The following ZEB1 variants were observed in gnomAD, a reference collection of about 807,000 sequenced individuals.
ZEB1 encodes zinc finger E-box binding homeobox 1.
Under a neutral mutation model 84.9 loss-of-function variants are expected in ZEB1, and 21 were observed. That is an observed-to-expected ratio of 0.25 (90% CI 0.18 to 0.36). The LOEUF is 0.36. Among genes scored for constraint, ZEB1 ranks in the 10% least tolerant of loss-of-function variants. The probability of loss-of-function intolerance (pLI) is 1.00; values close to 1 mark genes in which losing one functional copy is unlikely to be tolerated. For missense variants in ZEB1, 1,104 were observed against 1,330.2 expected (o/e 0.83, Z 2.65); for synonymous variants, 420 against 471.1 (o/e 0.89, Z 1.41).
chr10:31,488,195 G>T (rs545225350), intron 2 of ZEB1, among the ~76,000 whole-genome samples: 5 of 151,112 alleles, frequency 3.3e-5, no homozygotes, highest in South Asian at 2.1e-4. Context: ...GTGAAAGTTG[G>T]TCCTGGAGTT....
chr10:31,327,779 AAAG>A (rs2035904355), intron 1 of ZEB1, among the ~76,000 whole-genome samples: 1 of 152,224 alleles, frequency 6.6e-6, no homozygotes, highest in Non-Finnish European at 1.5e-5. Context: ...CAACAATGTA[AAAG>A]AACTATTTTC....
chr10:31,446,432 A>ATTTCT lies in ZEB1; in HGVS notation c.59-14605_59-14604insTTTCT, dbSNP rs2136827738. Among the ~76,000 whole-genome samples, 14 of 150,692 alleles carry ATTTCT rather than the reference A, an allele frequency of 9.3e-5. No homozygotes were observed. The South Asian group carries it at 3.0e-3, about 32-fold the overall frequency. On this transcript the variant is annotated intron_variant, in intron 1 of 8. Coordinates refer to ENST00000424869, the MANE Select transcript of ZEB1 (RefSeq NM_001174096.2). ...TTTCCTTCAGTTCTGCTCTGATTTTAGTTATTTCTTGCCTTCTGCTAGCTT... is the reference window on the plus strand; with the variant it reads ...TTTCCTTCAGTTCTGCTCTGATTTTATTTCTGTTATTTCTTGCCTTCTGCTAGCTT...
At chr10:31,525,037 T>C (rs1292447496) in intron 8 of ZEB1, among the ~76,000 whole-genome samples, 1 of 152,200 alleles carries the variant, frequency 6.6e-6, no homozygotes, top group Non-Finnish European at 1.5e-5. Context: ...AATGGTAGTT[T>C]TTGATTTTGT....
At chr10:31,362,359 AGTG>A (rs2043370640) in intron 1 of ZEB1, among the ~76,000 whole-genome samples, 1 of 146,700 alleles carries the variant, frequency 6.8e-6, no homozygotes, top group African/African-American at 2.6e-5. Context: ...CACTTCCCAG[AGTG>A]TAGGGGGGCC....
intron 1 of ZEB1, among the ~76,000 whole-genome samples, chr10:31,380,212 A>G (rs898009957): frequency 6.6e-6 from 1 of 152,044 alleles, no homozygotes; most frequent in Non-Finnish European, 1.5e-5. Flanking sequence ...TAATGTGTTA[A>G]TGAAAAAACT....
At chr10:31,449,385 C>G (rs970065771) in intron 1 of ZEB1, among the ~76,000 whole-genome samples, 2 of 152,320 alleles carry the variant, frequency 1.3e-5, no homozygotes, top group East Asian at 1.9e-4. Flanking sequence ...GCGTCGCTCA[C>G]GCTGGGAGCT....
chr10:31,497,164 TAA>T (rs1320872397), intron 3 of ZEB1, among the ~76,000 whole-genome samples: 2 of 152,110 alleles, frequency 1.3e-5, no homozygotes, highest in African/African-American at 4.8e-5. Flanking sequence ...TTAATAAACA[TAA>T]GAGTACACTA....
intron 2 of ZEB1, among the ~76,000 whole-genome samples, chr10:31,494,707 ACTT>A: frequency 6.6e-6 from 1 of 152,128 alleles, no homozygotes; most frequent in East Asian, 1.9e-4. Flanking sequence ...ACAGTTTTTA[ACTT>A]CTTCATGCCT....
Position 31,520,301 on chromosome 10 carries a change from T to C in ZEB1, c.969T>C (p.Ser323=), listed in dbSNP as rs199664973. 2.5e-6 allele frequency: 4 copies of C among 1,613,906 alleles called. No homozygotes were observed. In the East Asian group the frequency reaches 8.9e-5, roughly 36 times the overall value. ...CGTCTCTTTCAGCATCACCAGGCAGTCCCACACGACCACAGATACGGCAAA... is the reference window on the plus strand; with the variant it reads ...CGTCTCTTTCAGCATCACCAGGCAGCCCCACACGACCACAGATACGGCAAA... ...SSPSLSASPG[S]PTRPQIRQKI... is the part of the protein sequence containing the mutation. Residue 323 remains serine (S), a synonymous_variant, in exon 7 of 9, where the codon AGT becomes AGC. Coordinates refer to ENST00000424869, the MANE Select transcript of ZEB1 (RefSeq NM_001174096.2). This position sits in a 1 kb window ranked among gnomAD's most constrained non-coding sequence, Gnocchi z 5.1.
intron 1 of ZEB1, among the ~76,000 whole-genome samples, chr10:31,349,213 C>G (rs2133817955): frequency 6.6e-6 from 1 of 152,260 alleles, no homozygotes; most frequent in South Asian, 2.1e-4. Flanking sequence ...ATTATAATGT[C>G]CTCCAGGTTC....
chr10:31,480,870 A>T (rs1369049977), intron 2 of ZEB1, among the ~76,000 whole-genome samples: 2 of 152,102 alleles, frequency 1.3e-5, no homozygotes, highest in Non-Finnish European at 2.9e-5. Flanking sequence ...CCTCATTCAT[A>T]ATAGTTTTAT....
At chr10:31,479,549 A>G (rs78770520) in intron 2 of ZEB1, among the ~76,000 whole-genome samples, 2,469 of 152,024 alleles carry the variant, frequency 0.016, 65 homozygotes, top group African/African-American at 0.057. Context: ...ATCATACACC[A>G]TGATCAACTG....
At chr10:31,325,800 A>G (rs1216552630) in intron 1 of ZEB1, among the ~76,000 whole-genome samples, 1 of 151,960 alleles carries the variant, frequency 6.6e-6, no homozygotes, top group Admixed American at 6.6e-5. Context: ...AATGTTTAAG[A>G]TATTTTAAGT....
At chr10:31,408,390 A>G (rs2135693514) in intron 1 of ZEB1, among the ~76,000 whole-genome samples, 1 of 151,974 alleles carries the variant, frequency 6.6e-6, no homozygotes, top group Non-Finnish European at 1.5e-5. Flanking sequence ...ATTGGAAAAA[A>G]CTACTTTAAA....
intron 2 of ZEB1, among the ~76,000 whole-genome samples, chr10:31,490,821 A>C (rs948963708): frequency 5.3e-5 from 8 of 151,824 alleles, no homozygotes; most frequent in Non-Finnish European, 1.0e-4. Context: ...ACTTCGTCTT[A>C]TTTAAATCCT....
At position 31,424,488 on chromosome 10, in the gene ZEB1, C is replaced by T. The variant is rs558178610; in HGVS notation, c.59-36549C>T. 3.4e-5 allele frequency among the ~76,000 whole-genome samples: 5 copies of T among 147,516 alleles called. No individual in the cohort carries two copies. The South Asian group carries it at 1.0e-3, about 31-fold the overall frequency. On this transcript the variant is annotated intron_variant, in intron 1 of 8. Coordinates refer to ENST00000424869, the MANE Select transcript of ZEB1 (RefSeq NM_001174096.2). ...GTTAAGAAAAGGTTTTGTTACTTTT[C>T]TTATATTGAATATTTGAGTAATACA...
intron 1 of ZEB1, chr10:31,319,527 C>A (rs2033131138): frequency 2.1e-5 from 11 of 536,516 alleles, no homozygotes; most frequent in Middle Eastern, 1.0e-3. Context: ...GGTCTCTCTC[C>A]GCCTAGCGGC....
Position 31,365,330 on chromosome 10 carries a change from C to T in ZEB1, c.58+46038C>T, listed in dbSNP as rs145953559. Reference sequence around the variant, plus strand: ...ATATAACTCTAGGTTTTCTTATGCCCAAGAGAGGGACATACTCTTGGGTGT... The same window carrying T: ...ATATAACTCTAGGTTTTCTTATGCCTAAGAGAGGGACATACTCTTGGGTGT... On this transcript the variant is annotated intron_variant, in intron 1 of 8. Coordinates refer to ENST00000424869, the MANE Select transcript of ZEB1 (RefSeq NM_001174096.2). Among the ~76,000 whole-genome samples, 1,420 of 152,176 alleles carry T rather than the reference C, an allele frequency of 9.3e-3. 23 individuals carry two copies. The highest frequency in any genetic ancestry group is 0.033 in the African/African-American group (1,359 of 41,516).
chr10:31,376,332 TGA>T (rs1210201269), intron 1 of ZEB1, among the ~76,000 whole-genome samples: 1 of 151,730 alleles, frequency 6.6e-6, no homozygotes, highest in Non-Finnish European at 1.5e-5. Flanking sequence ...CCTCATGAAA[TGA>T]GGTTGTTCAT....
Sources: gnomAD v4.1 joint callset for allele counts (sites outside exome capture counted in the v4.1 genomes callset) on GRCh38, gnomAD v4.1.1 for gene constraint, Gnocchi (gnomAD v3.1) non-coding constraint, MANE v1.5 for transcripts, NCBI Gene and HGNC (gene_info 2026-07-23, HGNC 2026-07-21) for gene names.